Variants in TRPV3 observed in about 807,000 individuals in gnomAD.
TRPV3 encodes the protein VRL-3.
A neutral mutation model predicts 87.1 loss-of-function variants in TRPV3; 88 were observed. The observed-to-expected ratio is 1.01, with a 90% CI of 0.85 to 1.21. The LOEUF (loss-of-function observed/expected upper bound fraction) is 1.21, where lower values mean the gene tolerates loss of function less well. TRPV3 is among the 50% of genes most tolerant of loss of function. The pLI is 0.00. For synonymous variants in TRPV3, 438 were observed against 423.3 expected, an observed-to-expected ratio of 1.03 and a Z score of -0.43; for missense variants, 1,054 against 1,030.1, an observed-to-expected ratio of 1.02 and a Z score of -0.32.
chr17:3,532,939 T>C lies in TRPV3; in HGVS notation c.785-2A>G, dbSNP rs754719564. 5 of 1,613,506 alleles carry C rather than the reference T, an allele frequency of 3.1e-6. No homozygotes were observed. In the East Asian group the frequency reaches 1.1e-4, roughly 36 times the overall value. On this transcript the variant is annotated splice_acceptor_variant, in intron 7 of 17. Coordinates refer to ENST00000576742, the MANE Select transcript of TRPV3 (RefSeq NM_145068.4). LOFTEE classifies it high-confidence loss of function. ...CTGCCAGGGCCAGGGGCGTCTCACC[T>C]GGGGGATGAGCGCACTGAAGCTTGG...
rs1248111801 is a variant in TRPV3 at position 3,545,228 on chromosome 17, T to G, written c.163A>C (p.Thr55Pro). Residue 55 changes from threonine to proline, a missense_variant, in exon 3 of 18, where the codon ACA becomes CCA. Coordinates refer to ENST00000576742, the MANE Select transcript of TRPV3 (RefSeq NM_145068.4). ...ACAGGAGGAGAGGTCTTGGCAACTGTGGGGTTGGGTTCAAACCCTTCTATC... is the reference window on the plus strand; with the variant it reads ...ACAGGAGGAGAGGTCTTGGCAACTGGGGGGTTGGGTTCAAACCCTTCTATC... ...LEIEGFEPNP[T>P]VAKTSPPVFS... 6.2e-7 allele frequency: 1 copy of G among 1,613,792 alleles called. No homozygotes were observed. The highest frequency in any genetic ancestry group is 1.3e-5 in the African/African-American group (1 of 74,892).
At chr17:3,520,863 C>A in intron 14 of TRPV3, 110 bp downstream of exon 14, 3 of 574,642 alleles carry the variant, frequency 5.2e-6, no homozygotes, top group Non-Finnish European at 9.4e-6. Flanking sequence ...GCAAGTGCCC[C>A]ACTGGTAGTT....
intron 11 of TRPV3, 92 bp downstream of exon 11, chr17:3,527,932 AC>A: frequency 2.0e-6 from 2 of 1,003,400 alleles, no homozygotes; most frequent in Non-Finnish European, 3.1e-6. Context: ...CCTCCCCAGA[AC>A]CCCCCAGCAG....
At chr17:3,545,570 G>C (rs960428424) in intron 2 of TRPV3, among the ~76,000 whole-genome samples, 1 of 152,080 alleles carries the variant, frequency 6.6e-6, no homozygotes, top group African/African-American at 2.4e-5. Flanking sequence ...ACACACCCGG[G>C]AAGAAGACAC....
At chr17:3,536,184 G>A (rs1020110594) in intron 6 of TRPV3, among the ~76,000 whole-genome samples, 8 of 152,182 alleles carry the variant, frequency 5.3e-5, no homozygotes, top group African/African-American at 1.9e-4. Flanking sequence ...TTGTGCTAAG[G>A]GCCAGAGTCA....
In TRPV3 at chr17:3,530,303, G is replaced by A. The variant is rs916383627; in HGVS notation, c.1066-100C>T. On this transcript the variant is annotated intron_variant, in intron 8 of 17. Coordinates refer to ENST00000576742, the MANE Select transcript of TRPV3 (RefSeq NM_145068.4). The surrounding 1 kb of genome is among the most constrained non-coding windows in gnomAD (Gnocchi z 4.0). ...CTGGCTGGGCCCAGGGGATACACCC[G>A]CCCAGAATGGGTGGAGACCTGCCTC... 7.1e-5 allele frequency: 86 copies of A among 1,210,370 alleles called. 1 individual carries two copies. Among genetic ancestry groups the A allele is most frequent in the Non-Finnish European group, 9.0e-5 (79 of 878,540 alleles). 75.0% of individuals were successfully genotyped at this position (1,210,370 alleles called of 1,614,324 possible). A position where few individuals can be genotyped will look rare whatever the true frequency, so the allele number is the denominator to read the frequency against.
intron 3 of TRPV3, 83 bp downstream of exon 3, chr17:3,545,084 G>A (rs1032945128): frequency 2.8e-5 from 25 of 901,414 alleles, no homozygotes; most frequent in African/African-American, 2.7e-4. Context: ...GCCTGGCCCC[G>A]TGACCCAGGG....
chr17:3,550,094 A>G (rs2074560303), intron 2 of TRPV3, among the ~76,000 whole-genome samples: 1 of 152,148 alleles, frequency 6.6e-6, no homozygotes, highest in South Asian at 2.1e-4. Flanking sequence ...AGTAATTGGG[A>G]GGGTAGGATA....
Position 3,532,951 on chromosome 17 carries a change from G to A in TRPV3, c.785-14C>T, listed in dbSNP as rs778270600. On this transcript the variant is annotated splice_polypyrimidine_tract_variant and intron_variant, in intron 7 of 17. Coordinates refer to ENST00000576742, the MANE Select transcript of TRPV3 (RefSeq NM_145068.4). ...GGGGCGTCTCACCTGGGGGATGAGC[G>A]CACTGAAGCTTGGTTCTCTCATGGG... is the stretch of plus-strand genomic sequence containing the variant. 12 of 1,611,754 alleles carry A rather than the reference G, an allele frequency of 7.4e-6. No homozygotes were observed. The highest frequency in any genetic ancestry group is 6.7e-5 in the East Asian group (3 of 44,864).
intron 15 of TRPV3, among the ~76,000 whole-genome samples, chr17:3,517,285 A>G (rs544481352): frequency 1.3e-5 from 2 of 151,796 alleles, no homozygotes; most frequent in Admixed American, 1.3e-4. Flanking sequence ...CCTGGCCATA[A>G]TTTTTCCAGT....
intron 14 of TRPV3, among the ~76,000 whole-genome samples, chr17:3,520,291 G>T (rs1766638428): frequency 6.6e-6 from 1 of 152,152 alleles, no homozygotes; most frequent in Non-Finnish European, 1.5e-5. Context: ...TTAAGAGGGG[G>T]CTCCTTCCTG....
intron 7 of TRPV3, among the ~76,000 whole-genome samples, chr17:3,534,645 T>A (rs1403919386): frequency 1.3e-5 from 1 of 76,588 alleles, no homozygotes; most frequent in Middle Eastern, 9.3e-3. Flanking sequence ...GCATTTCAAT[T>A]TTTTTTTTTT....
intron 13 of TRPV3, among the ~76,000 whole-genome samples, chr17:3,522,686 G>GGTA (rs1411367805): frequency 6.6e-6 from 1 of 151,672 alleles, no homozygotes; most frequent in Non-Finnish European, 1.5e-5. Flanking sequence ...TGGGCATGGT[G>GGTA]CATGCCTGTA....
At chr17:3,533,292 T>C (rs945880292) in intron 7 of TRPV3, among the ~76,000 whole-genome samples, 4 of 152,044 alleles carry the variant, frequency 2.6e-5, no homozygotes, top group Non-Finnish European at 5.9e-5. Flanking sequence ...ACAACGGCCT[T>C]TTTCCACCTC....
chr17:3,523,107 A>C (rs1425308228), intron 13 of TRPV3, among the ~76,000 whole-genome samples: 1 of 152,166 alleles, frequency 6.6e-6, no homozygotes, highest in African/African-American at 2.4e-5. Context: ...GTTGATATCT[A>C]GATCTAAATG....
At chr17:3,522,589 G>A (rs2074257397) in intron 13 of TRPV3, among the ~76,000 whole-genome samples, 1 of 150,332 alleles carries the variant, frequency 6.7e-6, no homozygotes, top group East Asian at 1.9e-4. Context: ...GGAGGCCGAG[G>A]CGGACGGATC....
At chr17:3,549,701 T>TGATGGATG (rs144321631) in intron 2 of TRPV3, among the ~76,000 whole-genome samples, 26,194 of 147,822 alleles carry the variant, frequency 0.18, 2,995 homozygotes, top group East Asian at 0.43. Flanking sequence ...AGTGGATGGA[T>TGATGGATG]GATGGATGGA....
chr17:3,542,837 G>T, intron 5 of TRPV3, 139 bp from the exon 6 acceptor site: 2 of 853,816 alleles, frequency 2.3e-6, no homozygotes, highest in Non-Finnish European at 3.6e-6. Flanking sequence ...ACACTTGGCC[G>T]CTCTCCTCCC....
At chr17:3,527,994 G>A (rs2074315020) in intron 11 of TRPV3, 31 bp downstream of exon 11, 1 of 1,563,560 alleles carries the variant, frequency 6.4e-7, no homozygotes, top group Non-Finnish European at 8.8e-7. Flanking sequence ...GCCTCGCGGG[G>A]CGGTCTGGAA....
Sources: allele counts gnomAD v4.1 joint callset (sites outside exome capture counted in the v4.1 genomes callset), GRCh38; gene constraint gnomAD v4.1.1; non-coding constraint Gnocchi (gnomAD v3.1); transcripts MANE v1.5; gene names NCBI Gene and HGNC (gene_info 2026-07-23, HGNC 2026-07-21).